The following PGA3 variants were observed in gnomAD, a reference collection of about 807,000 sequenced individuals.
The protein encoded by PGA3 is pepsin A-3.
PGA3 carries 1 observed loss-of-function variant against 15.6 expected under a neutral mutation model. The observed-to-expected ratio is 0.06, with a 90% CI of 0.02 to 0.30. PGA3 has a LOEUF of 0.30. PGA3 is among the 10% of genes least tolerant of loss of function. The probability of loss-of-function intolerance (pLI) is 1.00; values close to 1 mark genes in which losing one functional copy is unlikely to be tolerated. For missense variants in PGA3, 29 were observed against 183.7 expected, an observed-to-expected ratio of 0.16 and a Z score of 4.87; for synonymous variants, 14 against 79.5, an observed-to-expected ratio of 0.18 and a Z score of 4.38.
chr11:61,211,767 T>G lies in PGA3; in HGVS notation c.1017+332T>G, dbSNP rs1458813161. On this transcript the variant is annotated intron_variant, in intron 8 of 8. Coordinates refer to ENST00000325558, the MANE Select transcript of PGA3 (RefSeq NM_001079807.4). ...ACAACTCATCTCACCCTCAGTTTTC[T>G]CATCCAAAAAGTAGAGATGGCAGCT... Among the ~76,000 whole-genome samples, 60 of 149,664 alleles carry G rather than the reference T, an allele frequency of 4.0e-4. 1 individual carries two copies. Among genetic ancestry groups the G allele is most frequent in the Non-Finnish European group, 5.2e-4 (35 of 66,706 alleles).
intron 2 of PGA3, chr11:61,204,759 A>G (rs1403049946): frequency 5.8e-6 from 1 of 173,700 alleles, no homozygotes; most frequent in Admixed American, 5.4e-5. Flanking sequence ...CAAACCCTGT[A>G]GCAGGCGGGA....
In PGA3 at chr11:61,203,552, C is replaced by G. The variant is rs368750894; in HGVS notation, c.-13C>G. ...TCTTGCCTTCTCCCTCGAGTTGGGA[C>G]CCGGGAAGAACCATGAAGTGGCTGC... On this transcript the variant is annotated 5_prime_UTR_variant, in exon 1 of 9. Transcript: ENST00000325558. 1 of 1,610,750 alleles carries G rather than the reference C, an allele frequency of 6.2e-7. No individual in the cohort carries two copies. The highest frequency in any genetic ancestry group is 8.5e-7 in the Non-Finnish European group (1 of 1,179,614).
At chr11:61,211,463 A>T in intron 8 of PGA3, 28 bp downstream of exon 8, 2 of 629,860 alleles carry the variant, frequency 3.2e-6, no homozygotes, top group Non-Finnish European at 5.9e-6. Flanking sequence ...CATCCACTAG[A>T]GGGGTTCACA....
In PGA3 at chr11:61,211,239, G is replaced by A; in HGVS notation, c.918+5G>A. 1.6e-6 allele frequency: 1 copy of A among 629,900 alleles called. No individual in the cohort carries two copies. The highest frequency in any genetic ancestry group is 2.7e-6 in the Non-Finnish European group (1 of 373,100). 39.0% of individuals were successfully genotyped at this position (629,900 alleles called of 1,614,324 possible). A position where few individuals can be genotyped will look rare whatever the true frequency, so the allele number is the denominator to read the frequency against. Reference sequence around the variant, plus strand: ...AGCGAGAACTCAGATGGCGACGTGAGTCCAGCCCCGACTGCTCTGTTCTAC... The same window carrying A: ...AGCGAGAACTCAGATGGCGACGTGAATCCAGCCCCGACTGCTCTGTTCTAC... On this transcript the variant is annotated splice_donor_5th_base_variant and intron_variant, in intron 7 of 8. Coordinates refer to ENST00000325558, the MANE Select transcript of PGA3 (RefSeq NM_001079807.4).
At chr11:61,205,994 T>TTAAAAAAAAA in intron 2 of PGA3, 1 of 128,034 alleles carries the variant, frequency 7.8e-6, no homozygotes, top group South Asian at 1.2e-4. Flanking sequence ...GAGACTTGTC[T>TTAAAAAAAAA]CAAAAAAAAA....
intron 8 of PGA3, 124 bp downstream of exon 8, chr11:61,211,559 T>G (rs1308068335): frequency 7.9e-7 from 1 of 1,263,510 alleles, no homozygotes; most frequent in Non-Finnish European, 1.1e-6. Context: ...GACGAACATC[T>G]GCCCTAGACA....
intron 2 of PGA3, among the ~76,000 whole-genome samples, chr11:61,205,006 T>TGGCACAG (rs1407266702): frequency 6.6e-6 from 1 of 152,206 alleles, no homozygotes; most frequent in Non-Finnish European, 1.5e-5. Flanking sequence ...CCTCTGTGAC[T>TGGCACAG]GGCACAGGGC....
chr11:61,206,214 T>C (rs1853925839), intron 2 of PGA3: 1 of 70,594 alleles, frequency 1.4e-5, no homozygotes, highest in Non-Finnish European at 3.2e-5. Context: ...ATGGGAAGAC[T>C]GTGACAGACA....
chr11:61,211,137 C>T lies in PGA3; in HGVS notation c.821C>T (p.Ala274Val). The T allele has an allele frequency of 2.4e-6, 1 of 424,806 alleles. No individual in the cohort carries two copies. Among genetic ancestry groups the T allele is most frequent in the Non-Finnish European group, 4.2e-6 (1 of 239,642 alleles). The allele number at this position is 424,806 out of a possible 1,614,324, so 26.3% of individuals were successfully genotyped here. ...ATCGCCTGCGCTGAGGGCTGCCAGGCCATTGTTGACACCGGCACCTCTCTG... is the reference window on the plus strand; with the variant it reads ...ATCGCCTGCGCTGAGGGCTGCCAGGTCATTGTTGACACCGGCACCTCTCTG... ...EAIACAEGCQ[A>V]IVDTGTSLLT... The change falls in exon 7 of 9, where the codon GCC becomes GTC. Residue 274 changes from alanine to valine, a missense_variant. By Grantham distance (64) the Ala-to-Val change is moderately conservative (BLOSUM62 0). Coordinates refer to ENST00000325558, the MANE Select transcript of PGA3 (RefSeq NM_001079807.4).
chr11:61,204,041 TG>T, intron 1 of PGA3, 65 bp from the exon 2 acceptor site: 1 of 812,788 alleles, frequency 1.2e-6, no homozygotes, highest in Non-Finnish European at 2.0e-6. Flanking sequence ...CCTTCCCTTC[TG>T]GGGCTGCCAC....
In PGA3 at chr11:61,205,994, T is replaced by TTGAAAAA. The variant is rs376217050; in HGVS notation, c.220-516_220-515insTGAAAAA. The TTGAAAAA allele has an allele frequency of 4.6e-5, 6 of 129,624 alleles. 2 individuals are homozygous for TTGAAAAA. Among genetic ancestry groups the TTGAAAAA allele is most frequent in the African/African-American group, 2.1e-4 (6 of 28,716 alleles). 8.0% of individuals were successfully genotyped at this position (129,624 alleles called of 1,614,324 possible). ...CCTGGACAACAGAGTGAGACTTGTCTCAAAAAAAAAGAATAAAAATTCTGG... is the reference window on the plus strand; with the variant it reads ...CCTGGACAACAGAGTGAGACTTGTCTTGAAAAACAAAAAAAAAGAATAAAAATTCTGG... On this transcript the variant is annotated intron_variant, in intron 2 of 8. Transcript: ENST00000325558.
chr11:61,211,099 G>A lies in PGA3; in HGVS notation c.783G>A (p.Met261Ile). Residue 261 changes from methionine to isoleucine, a missense_variant, in exon 7 of 9, where the codon ATG (methionine) becomes ATA (isoleucine). Coordinates refer to ENST00000325558, the MANE Select transcript of PGA3 (RefSeq NM_001079807.4). ...TGCTTCTTGCCCTCAGCATCACCAT[G>A]AACGGAGAGGCCATCGCCTGCGCTG... is the stretch of plus-strand genomic sequence containing the variant. The part of the protein sequence containing the change: ...YWQITVDSIT[M>I]NGEAIACAEG... 5.5e-6 allele frequency: 2 copies of A among 366,458 alleles called. No homozygotes were observed. Among genetic ancestry groups the A allele is most frequent in the Non-Finnish European group, 9.8e-6 (2 of 204,060 alleles). 22.7% of individuals were successfully genotyped at this position (366,458 alleles called of 1,614,324 possible).
Position 61,204,608 on chromosome 11 carries a change from G to A in PGA3, c.219+339G>A, listed in dbSNP as rs1410714152. ...GTCTCGCAAAGCAATGAAAGGAACA[G>A]GCAGCAGGAGGACTACAGAGTGACG... On this transcript the variant is annotated intron_variant, in intron 2 of 8. Coordinates refer to ENST00000325558, the MANE Select transcript of PGA3 (RefSeq NM_001079807.4). 3 of 548,222 alleles carry A rather than the reference G, an allele frequency of 5.5e-6. No individual in the cohort carries two copies. In the Admixed American group the frequency reaches 1.0e-4, roughly 18 times the overall value. 34.0% of individuals were successfully genotyped at this position (548,222 alleles called of 1,614,324 possible). A position where few individuals can be genotyped will look rare whatever the true frequency, so the allele number is the denominator to read the frequency against.
intron 2 of PGA3, chr11:61,206,002 A>AAAAAAAAC (rs1228229888): frequency 6.6e-6 from 1 of 151,352 alleles, no homozygotes; most frequent in African/African-American, 2.9e-5. Context: ...TCTCAAAAAA[A>AAAAAAAAC]AAGAATAAAA....
At chr11:61,207,419 ACCCCAT>A in intron 3 of PGA3, 72 bp from the exon 4 acceptor site, 1 of 1,152,692 alleles carries the variant, frequency 8.7e-7, no homozygotes. Flanking sequence ...GGGCCAGGGC[ACCCCAT>A]CCCAGGAAGA....
chr11:61,204,897 T>G (rs1787908), intron 2 of PGA3, among the ~76,000 whole-genome samples: 109 of 151,698 alleles, frequency 7.2e-4, no homozygotes, highest in Admixed American at 5.8e-3. Flanking sequence ...TAAACAGGGG[T>G]GTGACAAGAT....
chr11:61,205,553 G>C (rs1264767005), intron 2 of PGA3: 3 of 150,492 alleles, frequency 2.0e-5, no homozygotes, highest in Admixed American at 1.3e-4. Context: ...CATTTGACTA[G>C]AGAGCTGAAT....
Position 61,203,624 on chromosome 11 carries a change from A to T in PGA3, c.56+4A>T. Reference sequence around the variant, plus strand: ...TCTCTGAGTGCATCATGTACAAGTGAGTCCGGGTGGTGTGGGTGTGAAGAC... The same window carrying T: ...TCTCTGAGTGCATCATGTACAAGTGTGTCCGGGTGGTGTGGGTGTGAAGAC... On this transcript the variant is annotated splice_donor_region_variant and intron_variant, in intron 1 of 8. Coordinates refer to ENST00000325558, the MANE Select transcript of PGA3 (RefSeq NM_001079807.4). 1.2e-6 allele frequency: 2 copies of T among 1,604,718 alleles called. No individual in the cohort carries two copies. Among genetic ancestry groups the T allele is most frequent in the Non-Finnish European group, 1.7e-6 (2 of 1,173,850 alleles).
intron 2 of PGA3, chr11:61,205,968 G>C (rs1345693412): frequency 1.7e-5 from 2 of 115,528 alleles, no homozygotes; most frequent in African/African-American, 8.8e-5. Flanking sequence ...CTGCACTCCC[G>C]CCTGGACAAC....
Sources: allele counts gnomAD v4.1 joint callset (sites outside exome capture counted in the v4.1 genomes callset), GRCh38; gene constraint gnomAD v4.1.1; transcripts MANE v1.5; gene names NCBI Gene and HGNC (gene_info 2026-07-23, HGNC 2026-07-21).